The following CSMD1 variants were observed in gnomAD, a reference collection of about 807,000 sequenced individuals.
The protein encoded by CSMD1 is CUB and sushi domain-containing protein 1.
Under a neutral mutation model 417.5 loss-of-function variants are expected in CSMD1, and 213 were observed. The ratio of observed to expected loss-of-function variants is 0.51; its 90% CI spans 0.46 to 0.57. CSMD1 has a LOEUF of 0.57. Among genes scored for constraint, CSMD1 ranks in the 20% least tolerant of loss-of-function variants. The pLI, the probability that CSMD1 is intolerant of heterozygous loss-of-function variation, is 0.00. For missense variants in CSMD1, 6,923 were observed against 4,529.7 expected, an observed-to-expected ratio of 1.53 and a Z score of -15.17; for synonymous variants, 2,862 against 1,736.8, an observed-to-expected ratio of 1.65 and a Z score of -16.11.
chr8:3,429,757 T>C (rs918936275), intron 12 of CSMD1, among the ~76,000 whole-genome samples: 2 of 152,134 alleles, frequency 1.3e-5, no homozygotes, highest in Admixed American at 6.5e-5. Context: ...TGAAATAAAG[T>C]CTATGGTTGT....
chr8:3,028,492 G>A (rs1221633832), intron 51 of CSMD1, among the ~76,000 whole-genome samples: 3 of 152,140 alleles, frequency 2.0e-5, no homozygotes, highest in African/African-American at 7.2e-5. Context: ...TAGAGAAACG[G>A]GGACCATGTT....
At chr8:3,846,390 G>A (rs1421784888) in intron 5 of CSMD1, among the ~76,000 whole-genome samples, 1 of 152,248 alleles carries the variant, frequency 6.6e-6, no homozygotes, top group East Asian at 1.9e-4. Context: ...GACTCTACAT[G>A]TGAAATAGAT....
intron 12 of CSMD1, among the ~76,000 whole-genome samples, chr8:3,419,354 T>A (rs1013904535): frequency 2.0e-5 from 3 of 152,048 alleles, no homozygotes; most frequent in Non-Finnish European, 2.9e-5. Context: ...TAATTGAAAA[T>A]GAAGGATGAA....
At chr8:4,801,348 C>T in intron 1 of CSMD1, among the ~76,000 whole-genome samples, 1 of 152,254 alleles carries the variant, frequency 6.6e-6, no homozygotes, top group Admixed American at 6.5e-5. Flanking sequence ...TAAATTGCTG[C>T]TGCTGCTGCC....
At chr8:3,729,303 G>A (rs548072071) in intron 6 of CSMD1, among the ~76,000 whole-genome samples, 2 of 152,300 alleles carry the variant, frequency 1.3e-5, no homozygotes, top group South Asian at 4.1e-4. Context: ...CTCGTGCAGG[G>A]CAGATGCTGT....
intron 2 of CSMD1, among the ~76,000 whole-genome samples, chr8:4,586,561 T>G (rs1799711185): frequency 6.6e-6 from 1 of 151,126 alleles, no homozygotes. Context: ...GGACGTAACC[T>G]TTTTAGCATT....
chr8:4,552,357 G>A (rs911332764), intron 2 of CSMD1, among the ~76,000 whole-genome samples: 1 of 151,522 alleles, frequency 6.6e-6, no homozygotes, highest in Non-Finnish European at 1.5e-5. Flanking sequence ...TTTGGCTTCT[G>A]TGAACTTTAA....
intron 4 of CSMD1, among the ~76,000 whole-genome samples, chr8:4,014,984 C>A (rs139548913): frequency 2.6e-5 from 4 of 152,168 alleles, no homozygotes; most frequent in Non-Finnish European, 4.4e-5. Context: ...AAATGTAGCA[C>A]AGCAAATATG....
At position 3,525,575 on chromosome 8, in the gene CSMD1, A is replaced by G. The variant is rs1032936080; in HGVS notation, c.1345-31849T>C. Among the ~76,000 whole-genome samples the G allele has an allele frequency of 2.0e-5, 3 of 152,184 alleles. No individual in the cohort carries two copies. In the East Asian group the frequency reaches 5.8e-4, roughly 29 times the overall value. ...GCCTCTCTTGACAGTTCAGGGAACA[A>G]GCAGAGGGATAAGTCTGTCACTAGG... On this transcript the variant is annotated intron_variant, in intron 10 of 69. Coordinates refer to ENST00000635120, the MANE Select transcript of CSMD1 (RefSeq NM_033225.6).
intron 1 of CSMD1, among the ~76,000 whole-genome samples, chr8:4,693,521 T>A (rs1327482699): frequency 6.6e-6 from 1 of 152,254 alleles, no homozygotes; most frequent in African/African-American, 2.4e-5. Context: ...CACTTGAGTC[T>A]GCTTCTTTAA....
At chr8:3,085,856 G>C (rs1289895383) in intron 49 of CSMD1, among the ~76,000 whole-genome samples, 6 of 152,122 alleles carry the variant, frequency 3.9e-5, no homozygotes, top group African/African-American at 1.4e-4. Flanking sequence ...GAATCCCTTT[G>C]GGACATGAAG....
At chr8:3,733,404 G>C (rs996605817) in intron 6 of CSMD1, among the ~76,000 whole-genome samples, 3 of 148,720 alleles carry the variant, frequency 2.0e-5, no homozygotes, top group East Asian at 2.0e-4. Context: ...TTAGATGATA[G>C]AAACCTGTAA....
At chr8:4,146,066 G>A (rs991608627) in intron 3 of CSMD1, among the ~76,000 whole-genome samples, 2 of 150,828 alleles carry the variant, frequency 1.3e-5, no homozygotes, top group Admixed American at 6.6e-5. Flanking sequence ...AGACACTTGA[G>A]GGAGGCAATT....
chr8:3,780,770 A>C (rs10109516), intron 5 of CSMD1, among the ~76,000 whole-genome samples: 55,569 of 151,956 alleles, frequency 0.37, 10,747 homozygotes, highest in Middle Eastern at 0.47. Context: ...ATTCTTATAC[A>C]CAGATTCATC....
intron 47 of CSMD1, among the ~76,000 whole-genome samples, chr8:3,094,769 C>G (rs1353304255): frequency 7.1e-6 from 1 of 141,534 alleles, no homozygotes; most frequent in Non-Finnish European, 1.5e-5. Context: ...GTTTTTTGGT[C>G]CACCTATGAA....
intron 3 of CSMD1, among the ~76,000 whole-genome samples, chr8:4,120,062 G>A (rs536389338): frequency 2.0e-5 from 3 of 152,226 alleles, no homozygotes; most frequent in Non-Finnish European, 2.9e-5. Flanking sequence ...AGTATAATTG[G>A]ATTATTTGTA....
rs75009550 is a variant in CSMD1 at position 3,321,245 on chromosome 8, C to G, written c.3632-12742G>C. On this transcript the variant is annotated intron_variant, in intron 23 of 69. Transcript: ENST00000635120. ...CTGTTGTTGCTGACTAACGGGTCGCCAAGACACCATGGTGAGTATTCACCC... is the reference window on the plus strand; with the variant it reads ...CTGTTGTTGCTGACTAACGGGTCGCGAAGACACCATGGTGAGTATTCACCC... Among the ~76,000 whole-genome samples, 791 of 152,220 alleles carry G rather than the reference C, an allele frequency of 5.2e-3. 5 individuals are homozygous for G. Among genetic ancestry groups the G allele is most frequent in the African/African-American group, 0.018 (751 of 41,524 alleles).
At chr8:4,128,505 A>AACAC (rs1802898857) in intron 3 of CSMD1, among the ~76,000 whole-genome samples, 1 of 152,044 alleles carries the variant, frequency 6.6e-6, no homozygotes, top group Admixed American at 6.6e-5. Context: ...CAAACAAACA[A>AACAC]ACACATTGCT....
At chr8:3,296,401 G>C (rs1303940487) in intron 25 of CSMD1, among the ~76,000 whole-genome samples, 1 of 152,090 alleles carries the variant, frequency 6.6e-6, no homozygotes, top group Non-Finnish European at 1.5e-5. Flanking sequence ...GAAGAATGGG[G>C]GTTGTGAATT....
Sources: gnomAD v4.1 joint callset for allele counts (sites outside exome capture counted in the v4.1 genomes callset) on GRCh38, gnomAD v4.1.1 for gene constraint, MANE v1.5 for transcripts, NCBI Gene and HGNC (gene_info 2026-07-23, HGNC 2026-07-21) for gene names.